The following CNTNAP2 variants were observed in gnomAD, a reference collection of about 807,000 sequenced individuals.
CNTNAP2 encodes the protein contactin associated protein 2.
A neutral mutation model predicts 155.2 loss-of-function variants in CNTNAP2; 98 were observed. The observed-to-expected ratio is 0.63, with a 90% CI of 0.54 to 0.75. The LOEUF is 0.75. Ranked by LOEUF, CNTNAP2 falls within the 30% of genes least tolerant of loss-of-function variation. The pLI, the probability that CNTNAP2 is intolerant of heterozygous loss-of-function variation, is 0.00. For missense variants in CNTNAP2, 1,727 were observed against 1,688.1 expected (o/e 1.02, Z -0.40); for synonymous variants, 651 against 631.2 (o/e 1.03, Z -0.47).
At chr7:147,708,602 C>T (rs1236207199) in intron 13 of CNTNAP2, among the ~76,000 whole-genome samples, 1 of 152,054 alleles carries the variant, frequency 6.6e-6, no homozygotes, top group Non-Finnish European at 1.5e-5. Context: ...CCACTAGGTC[C>T]TAGGGACTCT....
intron 1 of CNTNAP2, among the ~76,000 whole-genome samples, chr7:146,226,273 C>A (rs141002443): frequency 6.8e-4 from 104 of 152,238 alleles, no homozygotes; most frequent in African/African-American, 2.4e-3. Flanking sequence ...TTAGAGGAAG[C>A]TTGAGTATTG....
At chr7:147,977,470 G>A (rs1476277820) in intron 14 of CNTNAP2, among the ~76,000 whole-genome samples, 1 of 152,242 alleles carries the variant, frequency 6.6e-6, no homozygotes, top group South Asian at 2.1e-4. Flanking sequence ...CTTCAAATAG[G>A]GTTTTGTTTC....
At chr7:147,203,632 T>A (rs1363418790) in intron 8 of CNTNAP2, among the ~76,000 whole-genome samples, 1 of 152,222 alleles carries the variant, frequency 6.6e-6, no homozygotes, top group Non-Finnish European at 1.5e-5. Flanking sequence ...CTTGATATAA[T>A]TTAAAACTAT....
At chr7:147,246,640 T>A (rs1804077506) in intron 8 of CNTNAP2, among the ~76,000 whole-genome samples, 1 of 152,146 alleles carries the variant, frequency 6.6e-6, no homozygotes, top group Non-Finnish European at 1.5e-5. Context: ...TAATATCACA[T>A]TAGTGACTAG....
At chr7:147,103,061 T>G (rs1026848374) in intron 4 of CNTNAP2, among the ~76,000 whole-genome samples, 8 of 152,184 alleles carry the variant, frequency 5.3e-5, no homozygotes, top group Non-Finnish European at 1.2e-4. Flanking sequence ...CTCTAATTTT[T>G]TAATGAAGTA....
chr7:148,045,960 TG>T (rs1246557349), intron 15 of CNTNAP2, among the ~76,000 whole-genome samples: 2 of 152,252 alleles, frequency 1.3e-5, no homozygotes. Context: ...AAATAGTTTA[TG>T]TGTGAAAACA....
chr7:148,106,123 G>T (rs1804212206), intron 15 of CNTNAP2, among the ~76,000 whole-genome samples: 1 of 152,182 alleles, frequency 6.6e-6, no homozygotes, highest in Non-Finnish European at 1.5e-5. Context: ...CCAGGTTCCT[G>T]CCTTGAATGG....
intron 13 of CNTNAP2, among the ~76,000 whole-genome samples, chr7:147,867,521 T>C (rs1177320295): frequency 1.3e-5 from 2 of 152,224 alleles, no homozygotes; most frequent in African/African-American, 4.8e-5. Context: ...GAAGTTCTCC[T>C]GGATAATATC....
At chr7:148,036,075 C>G (rs1283725668) in intron 15 of CNTNAP2, among the ~76,000 whole-genome samples, 3 of 152,202 alleles carry the variant, frequency 2.0e-5, no homozygotes, top group African/African-American at 7.2e-5. Flanking sequence ...AAGCACATAA[C>G]TTGTTTAACT....
chr7:146,687,187 A>T (rs2129170924), intron 1 of CNTNAP2, among the ~76,000 whole-genome samples: 1 of 152,272 alleles, frequency 6.6e-6, no homozygotes, highest in East Asian at 1.9e-4. Flanking sequence ...CACAGAACTT[A>T]TCAAAACTAG....
intron 10 of CNTNAP2, among the ~76,000 whole-genome samples, chr7:147,430,255 A>T (rs868057820): frequency 3.3e-5 from 5 of 152,212 alleles, no homozygotes; most frequent in Non-Finnish European, 7.3e-5. Context: ...AGCTAGAAGA[A>T]GTTTCTGCCT....
At chr7:146,841,309 T>C (rs868251851) in intron 3 of CNTNAP2, among the ~76,000 whole-genome samples, 1 of 145,546 alleles carries the variant, frequency 6.9e-6, no homozygotes, top group Non-Finnish European at 1.5e-5. Context: ...ACAGAAAATT[T>C]GAAAGAGTTG....
chr7:147,852,506 T>C (rs975928289), intron 13 of CNTNAP2, among the ~76,000 whole-genome samples: 1 of 152,140 alleles, frequency 6.6e-6, no homozygotes, highest in African/African-American at 2.4e-5. Context: ...CATTCAAAAT[T>C]TCAAATACGT....
intron 11 of CNTNAP2, among the ~76,000 whole-genome samples, chr7:147,530,386 G>A (rs1799410508): frequency 6.6e-6 from 1 of 151,962 alleles, no homozygotes; most frequent in Non-Finnish European, 1.5e-5. Flanking sequence ...CACTGTGTTG[G>A]CCAGGCTGGT....
chr7:148,332,067 G>C lies in CNTNAP2; in HGVS notation c.3476-51582G>C, dbSNP rs146633111. On this transcript the variant is annotated intron_variant, in intron 21 of 23. Coordinates refer to ENST00000361727, the MANE Select transcript of CNTNAP2 (RefSeq NM_014141.6). ...AGGTGCTGGAGGAGCTAAAGAAATT[G>C]CTGTCATCGTTTTGTCAAATCCAGG... is the stretch of plus-strand genomic sequence containing the variant. Among the ~76,000 whole-genome samples, 390 of 151,758 alleles carry C rather than the reference G, an allele frequency of 2.6e-3. 1 individual carries two copies. The highest frequency in any genetic ancestry group is 9.1e-3 in the African/African-American group (375 of 41,358).
chr7:147,664,658 A>C (rs1170235900), intron 13 of CNTNAP2, among the ~76,000 whole-genome samples: 1 of 152,088 alleles, frequency 6.6e-6, no homozygotes, highest in African/African-American at 2.4e-5. Flanking sequence ...TATTCCTAGG[A>C]AATCTCTTTG....
intron 11 of CNTNAP2, among the ~76,000 whole-genome samples, chr7:147,551,822 A>C (rs1324827347): frequency 6.6e-6 from 1 of 152,140 alleles, no homozygotes; most frequent in East Asian, 1.9e-4. Flanking sequence ...TCTTCTTTTA[A>C]CTCTGACTGA....
chr7:147,434,398 A>T (rs2116534988), intron 10 of CNTNAP2, among the ~76,000 whole-genome samples: 1 of 152,324 alleles, frequency 6.6e-6, no homozygotes, highest in South Asian at 2.1e-4. Context: ...AAATTGAAAT[A>T]TTGTCTACCA....
At chr7:148,079,435 A>G (rs568449951) in intron 15 of CNTNAP2, among the ~76,000 whole-genome samples, 2 of 152,316 alleles carry the variant, frequency 1.3e-5, no homozygotes, top group South Asian at 2.1e-4. Flanking sequence ...CTGGATTAAG[A>G]TAAGTGGTTG....
Sources: allele counts gnomAD v4.1 joint callset (sites outside exome capture counted in the v4.1 genomes callset), GRCh38; gene constraint gnomAD v4.1.1; transcripts MANE v1.5; gene names NCBI Gene and HGNC (gene_info 2026-07-23, HGNC 2026-07-21).